ADK: variants seen among roughly 807,000 people sequenced by gnomAD.
The protein encoded by ADK is N6,N6-dimethyladenosine kinase.
ADK carries 24 observed loss-of-function variants against 44.7 expected under a neutral mutation model. The ratio of observed to expected loss-of-function variants is 0.54; its 90% confidence interval spans 0.39 to 0.76. ADK has a LOEUF of 0.76. Among genes scored for constraint, ADK ranks in the 30% least tolerant of loss-of-function variants. ADK has a pLI of 0.00. For missense variants in ADK, 321 were observed against 425.1 expected, an observed-to-expected ratio of 0.76 and a Z score of 2.15; for synonymous variants, 128 against 142.6, an observed-to-expected ratio of 0.90 and a Z score of 0.73.
chr10:74,599,314 C>A (rs1275833359), intron 8 of ADK, among the ~76,000 whole-genome samples: 1 of 152,070 alleles, frequency 6.6e-6, no homozygotes, highest in Non-Finnish European at 1.5e-5. Context: ...AATATTTCAC[C>A]ACTAATTGTC....
intron 9 of ADK, among the ~76,000 whole-genome samples, chr10:74,646,070 A>T: frequency 6.6e-6 from 1 of 152,206 alleles, no homozygotes; most frequent in East Asian, 1.9e-4. Context: ...TAATGTTTGC[A>T]TTGTTTATCA....
intron 6 of ADK, among the ~76,000 whole-genome samples, chr10:74,462,300 A>C (rs532330966): frequency 7.2e-5 from 11 of 152,210 alleles, no homozygotes; most frequent in Non-Finnish European, 1.0e-4. Flanking sequence ...AGTTATACGG[A>C]GTATTAAGAA....
intron 6 of ADK, among the ~76,000 whole-genome samples, chr10:74,469,946 C>G (rs1846502400): frequency 6.6e-6 from 1 of 151,854 alleles, no homozygotes; most frequent in African/African-American, 2.4e-5. Flanking sequence ...CAAGGTTCAT[C>G]CATCTTGTAG....
chr10:74,573,696 A>C (rs1851059280), intron 7 of ADK, among the ~76,000 whole-genome samples: 1 of 152,220 alleles, frequency 6.6e-6, no homozygotes, highest in South Asian at 2.1e-4. Flanking sequence ...TTACCCAAGC[A>C]AGCCTCGGCA....
intron 4 of ADK, among the ~76,000 whole-genome samples, chr10:74,325,106 T>C (rs1333093228): frequency 2.6e-5 from 4 of 152,196 alleles, no homozygotes; most frequent in Non-Finnish European, 1.5e-5. Context: ...TTTAATGATA[T>C]TCTTTAATTA....
intron 10 of ADK, among the ~76,000 whole-genome samples, chr10:74,674,446 C>G (rs1394710065): frequency 1.3e-5 from 2 of 152,136 alleles, no homozygotes; most frequent in Non-Finnish European, 2.9e-5. Flanking sequence ...CCAGCCTGAC[C>G]AACATGGCGA....
At chr10:74,505,515 C>T (rs991352718) in intron 6 of ADK, among the ~76,000 whole-genome samples, 4 of 147,796 alleles carry the variant, frequency 2.7e-5, no homozygotes, top group South Asian at 4.2e-4. Context: ...AACTTCCCCC[C>T]ACTTTTTTTT....
intron 1 of ADK, among the ~76,000 whole-genome samples, chr10:74,177,945 A>T (rs10581672): frequency 0.17 from 18,727 of 108,896 alleles, 1,778 homozygotes; most frequent in African/African-American, 0.28. Context: ...ATATATATAT[A>T]TTTTTTTTTT....
intron 4 of ADK, among the ~76,000 whole-genome samples, chr10:74,374,363 G>A (rs1455671611): frequency 6.6e-6 from 1 of 152,120 alleles, no homozygotes; most frequent in African/African-American, 2.4e-5. Context: ...TTACCCATAT[G>A]TGATGTTTTT....
chr10:74,347,833 A>C (rs1841829987), intron 4 of ADK, among the ~76,000 whole-genome samples: 1 of 152,196 alleles, frequency 6.6e-6, no homozygotes, highest in African/African-American at 2.4e-5. Context: ...ACCACAGTGC[A>C]GCAAAGCAGC....
intron 10 of ADK, among the ~76,000 whole-genome samples, chr10:74,705,237 G>C (rs936919252): frequency 1.3e-5 from 2 of 152,088 alleles, no homozygotes; most frequent in African/African-American, 2.4e-5. Context: ...CCTAGCTGCA[G>C]CACAGTTTCT....
At chr10:74,355,864 T>C (rs956076837) in intron 4 of ADK, among the ~76,000 whole-genome samples, 2 of 152,134 alleles carry the variant, frequency 1.3e-5, no homozygotes, top group African/African-American at 4.8e-5. Flanking sequence ...GTGCTACTTA[T>C]CCATGTTATT....
chr10:74,473,803 A>G (rs1234791853), intron 6 of ADK, among the ~76,000 whole-genome samples: 2 of 152,172 alleles, frequency 1.3e-5, no homozygotes, highest in African/African-American at 4.8e-5. Context: ...ATTAGAAATG[A>G]ATCACTAAAT....
intron 1 of ADK, among the ~76,000 whole-genome samples, chr10:74,181,286 T>G (rs987195933): frequency 2.6e-5 from 4 of 152,152 alleles, no homozygotes; most frequent in Non-Finnish European, 4.4e-5. Context: ...TAATTTTAAA[T>G]GAAAACTTTT....
intron 4 of ADK, among the ~76,000 whole-genome samples, chr10:74,363,251 A>G (rs1698142174): frequency 6.6e-6 from 1 of 151,980 alleles, no homozygotes; most frequent in Non-Finnish European, 1.5e-5. Flanking sequence ...TTCCCTGACT[A>G]CAGCAGGAGA....
chr10:74,284,906 A>AT (rs1372703778), intron 3 of ADK, among the ~76,000 whole-genome samples: 1 of 152,194 alleles, frequency 6.6e-6, no homozygotes, highest in Non-Finnish European at 1.5e-5. Context: ...GTAACAACTT[A>AT]TTTTTTGCCA....
intron 3 of ADK, among the ~76,000 whole-genome samples, chr10:74,236,250 TA>T (rs903006605): frequency 5.3e-5 from 8 of 152,198 alleles, no homozygotes; most frequent in Non-Finnish European, 1.2e-4. Context: ...ATTTCAACCA[TA>T]AAGCTAGGGA....
At chr10:74,330,692 C>A (rs1431193980) in intron 4 of ADK, among the ~76,000 whole-genome samples, 1 of 152,158 alleles carries the variant, frequency 6.6e-6, no homozygotes, top group Non-Finnish European at 1.5e-5. Flanking sequence ...TGAAGACACC[C>A]ACATGGGCAG....
chr10:74,562,680 A>G (rs150367677), intron 7 of ADK, among the ~76,000 whole-genome samples: 1 of 152,242 alleles, frequency 6.6e-6, no homozygotes, highest in Non-Finnish European at 1.5e-5. Flanking sequence ...TAAATGCCAG[A>G]ACATAAATTA....
Sources: allele counts gnomAD v4.1 joint callset (sites outside exome capture counted in the v4.1 genomes callset), GRCh38; gene constraint gnomAD v4.1.1; transcripts MANE v1.5; gene names NCBI Gene and HGNC (gene_info 2026-07-23, HGNC 2026-07-21).